Variants in ZSCAN10 observed in about 807,000 individuals in gnomAD.
ZSCAN10 encodes the protein zinc finger and SCAN domain-containing protein 10.
In ZSCAN10, 52 loss-of-function variants were observed where a neutral mutation model predicts 63.7. The ratio of observed to expected loss-of-function variants is 0.82; its 90% CI spans 0.65 to 1.03. The LOEUF (loss-of-function observed/expected upper bound fraction) is 1.03, where lower values mean the gene tolerates loss of function less well. ZSCAN10 is among the 50% of genes least tolerant of loss of function. The pLI, the probability that ZSCAN10 is intolerant of heterozygous loss-of-function variation, is 0.00. For synonymous variants in ZSCAN10, 544 were observed against 479.6 expected, an observed-to-expected ratio of 1.13 and a Z score of -1.76; for missense variants, 1,223 against 1,103.8, an observed-to-expected ratio of 1.11 and a Z score of -1.53.
Position 3,092,266 on chromosome 16 carries a change from C to G in ZSCAN10, c.447G>C (p.Leu149Phe), listed in dbSNP as rs1957091761. Residue 149 changes from leucine to phenylalanine, a missense_variant, in exon 3 of 6, where the codon TTG becomes TTC. By Grantham distance (22) the Leu-to-Phe change is conservative (BLOSUM62 0). Transcript: ENST00000576985. ...GKSCPRADVT[L>F]EEKGCASQVP... ...CCTGGGAAGCACACCCCTTTTCCTC[C>G]AAGGTGACGTCTGCACGGGGACAAC... 6.2e-7 allele frequency: 1 copy of G among 1,613,084 alleles called. No individual in the cohort carries two copies. Among genetic ancestry groups the G allele is most frequent in the Non-Finnish European group, 8.5e-7 (1 of 1,179,846 alleles).
rs761819689 is a variant in ZSCAN10 at position 3,089,891 on chromosome 16, G to A, written c.1543C>T (p.Arg515Trp). 2 of 1,535,126 alleles carry A rather than the reference G, an allele frequency of 1.3e-6. No individual in the cohort carries two copies. The highest frequency in any genetic ancestry group is 4.9e-5 in the East Asian group (2 of 40,844). Residue 515 changes from arginine (R) to tryptophan (W), a missense_variant, in exon 6 of 6, where the codon CGG becomes TGG. Transcript: ENST00000576985. ...ACGAAGGGCCTCCGGTCGGAGTCCC[G>A]GCGGCGGCTGCCGGAGCCTTCGGAG... ...RSSEGSGSRRRDSDRRPFVCS... is the reference protein window; with the variant it reads ...RSSEGSGSRRWDSDRRPFVCS...
chr16:3,090,890 C>CAAAAAAA (rs398058044), intron 5 of ZSCAN10, among the ~76,000 whole-genome samples: 1 of 63,752 alleles, frequency 1.6e-5, no homozygotes, highest in African/African-American at 5.3e-5. Context: ...CCCGTCTCTA[C>CAAAAAAA]AAAAAAAAAA....
At chr16:3,098,737 C>T (rs1957186432) in intron 1 of ZSCAN10, among the ~76,000 whole-genome samples, 1 of 152,196 alleles carries the variant, frequency 6.6e-6, no homozygotes, top group Non-Finnish European at 1.5e-5. Context: ...TAATTTGGAG[C>T]CCGGGGTGGA....
In ZSCAN10 at chr16:3,090,719, G is replaced by A. The variant is rs1030731412; in HGVS notation, c.788-73C>T. The A allele has an allele frequency of 4.1e-6, 6 of 1,448,906 alleles. No individual in the cohort carries two copies. The African/African-American group carries it at 8.5e-5, about 21-fold the overall frequency. 89.8% of individuals were successfully genotyped at this position (1,448,906 alleles called of 1,614,324 possible). ...ACTATCAATCACCAGAACCTGATTGGCCTGGAAGTGGAAAGAAACCCAGGA... is the reference window on the plus strand; with the variant it reads ...ACTATCAATCACCAGAACCTGATTGACCTGGAAGTGGAAAGAAACCCAGGA... On this transcript the variant is annotated intron_variant, in intron 5 of 5. Coordinates refer to ENST00000576985, the MANE Select transcript of ZSCAN10 (RefSeq NM_032805.3).
At chr16:3,091,413 G>A in intron 5 of ZSCAN10, 127 bp downstream of exon 5, 1 of 1,020,314 alleles carries the variant, frequency 9.8e-7, no homozygotes, top group Non-Finnish European at 1.5e-6. Flanking sequence ...GGAGGCTGAG[G>A]TGGGAGGATC....
intron 3 of ZSCAN10, 79 bp from the exon 4 acceptor site, chr16:3,091,907 C>A: frequency 1.3e-6 from 2 of 1,595,194 alleles, no homozygotes; most frequent in Non-Finnish European, 1.7e-6. Flanking sequence ...GGACACACAC[C>A]GCATCATCCG....
chr16:3,093,922 G>C (rs142581307), intron 1 of ZSCAN10, among the ~76,000 whole-genome samples: 1 of 152,078 alleles, frequency 6.6e-6, no homozygotes, highest in East Asian at 1.9e-4. Context: ...CTGACCTCAA[G>C]TGATCAGCCC....
At chr16:3,092,384 A>T (rs920084002) in intron 2 of ZSCAN10, 68 bp from the exon 3 acceptor site, 65 of 1,537,672 alleles carry the variant, frequency 4.2e-5, no homozygotes, top group Non-Finnish European at 5.2e-5. Flanking sequence ...CCGAGGGGAC[A>T]TGGGACAGAA....
chr16:3,089,559 C>T lies in ZSCAN10; in HGVS notation c.1875G>A (p.Gln625=). 1.3e-6 allele frequency: 2 copies of T among 1,597,676 alleles called. No homozygotes were observed. The highest frequency in any genetic ancestry group is 1.7e-6 in the Non-Finnish European group (2 of 1,172,642). The change falls in exon 6 of 6, where the codon CAG becomes CAA. Residue 625 remains glutamine (Q), a synonymous_variant. Coordinates refer to ENST00000576985, the MANE Select transcript of ZSCAN10 (RefSeq NM_032805.3). The part of the protein sequence containing the change: ...FGQTQDLARH[Q]RSHTGEKPCR... The stretch of plus-strand genomic sequence containing the variant: ...AGGGCTTCTCGCCCGTGTGGCTGCG[C>T]TGGTGGCGGGCCAGATCCTGGGTCT...
intron 1 of ZSCAN10, among the ~76,000 whole-genome samples, chr16:3,094,255 C>A (rs1393495405): frequency 6.6e-6 from 1 of 152,218 alleles, no homozygotes; most frequent in Non-Finnish European, 1.5e-5. Context: ...CTCAAGTGAT[C>A]CACCTGCCTC....
In ZSCAN10 at chr16:3,089,325, C is replaced by G. The variant is rs1457106090; in HGVS notation, c.2109G>C (p.Ala703=). 1 of 1,580,974 alleles carries G rather than the reference C, an allele frequency of 6.3e-7. No homozygotes were observed. The highest frequency in any genetic ancestry group is 1.8e-5 in the Admixed American group (1 of 57,012). ...QTCGRSFRRN[A]HLRRHLATHA... ...GGGTAGCCAGGTGCCGCCGCAGATG[C>G]GCGTTGCGCCGGAAGCTGCGACCGC... The change falls in exon 6 of 6, where the codon GCG becomes GCC. Residue 703 remains alanine (A), a synonymous_variant. Coordinates refer to ENST00000576985, the MANE Select transcript of ZSCAN10 (RefSeq NM_032805.3).
chr16:3,091,938 G>A (rs1957083300), intron 3 of ZSCAN10, 110 bp from the exon 4 acceptor site: 1 of 1,592,088 alleles, frequency 6.3e-7, no homozygotes, highest in Non-Finnish European at 8.6e-7. Flanking sequence ...AGACACCTTG[G>A]CGCTCTCCTG....
intron 1 of ZSCAN10, among the ~76,000 whole-genome samples, chr16:3,094,700 A>G (rs1957132853): frequency 6.6e-6 from 1 of 152,038 alleles, no homozygotes; most frequent in African/African-American, 2.4e-5. Flanking sequence ...GGGAATATGG[A>G]ACAAGTCAGA....
rs1388591277 is a variant in ZSCAN10 at position 3,092,951 on chromosome 16, G to T, written c.-14C>A. ...TTCTCCAAGCATCCTTCACTGCGGG[G>T]ATGCCTCCCTAACGCCAGCCCCGCT... On this transcript the variant is annotated 5_prime_UTR_variant, in exon 2 of 6. Coordinates refer to ENST00000576985, the MANE Select transcript of ZSCAN10 (RefSeq NM_032805.3). 1.4e-6 allele frequency: 2 copies of T among 1,414,164 alleles called. No homozygotes were observed. Among genetic ancestry groups the T allele is most frequent in the Non-Finnish European group, 1.8e-6 (2 of 1,086,634 alleles). The allele number at this position is 1,414,164 out of a possible 1,614,324, so 87.6% of individuals were successfully genotyped here. A position where few individuals can be genotyped will look rare whatever the true frequency, so the allele number is the denominator to read the frequency against.
intron 5 of ZSCAN10, 112 bp from the exon 6 acceptor site, chr16:3,090,758 G>A (rs1040597808): frequency 6.3e-5 from 81 of 1,293,516 alleles, no homozygotes; most frequent in Non-Finnish European, 8.2e-5. Flanking sequence ...TGCAAAGCTG[G>A]TAGGTAAAAG....
Position 3,092,611 on chromosome 16 carries a change from G to C in ZSCAN10, c.327C>G (p.Leu109=). 1 of 1,603,552 alleles carries C rather than the reference G, an allele frequency of 6.2e-7. No homozygotes were observed. The highest frequency in any genetic ancestry group is 2.2e-5 in the East Asian group (1 of 44,594). The stretch of plus-strand genomic sequence containing the variant: ...GCAGCACCACCTCCTCCCCATCCCT[G>C]AGCGGCTGCCCCTGCAGGCGGCCCA... ...HLLGRLQGQP[L]RDGEEVVLLL... The change falls in exon 2 of 6, where the codon CTC becomes CTG. Residue 109 remains leucine, a synonymous_variant. Coordinates refer to ENST00000576985, the MANE Select transcript of ZSCAN10 (RefSeq NM_032805.3).
chr16:3,098,381 A>G (rs1200378511), intron 1 of ZSCAN10, among the ~76,000 whole-genome samples: 1 of 151,800 alleles, frequency 6.6e-6, no homozygotes, highest in African/African-American at 2.4e-5. Context: ...GTGTAGGTCT[A>G]GAACACAGTG....
chr16:3,090,352 C>T lies in ZSCAN10; in HGVS notation c.1082G>A (p.Arg361His). 1 of 1,611,752 alleles carries T rather than the reference C, an allele frequency of 6.2e-7. No individual in the cohort carries two copies. Among genetic ancestry groups the T allele is most frequent in the South Asian group, 1.1e-5 (1 of 91,008 alleles). Reference sequence around the variant, plus strand: ...CGAGCGCAGCTGGTGCGCCTTCAGGCGAGACAGCTGCGGGAAGCTCACCCC... The same window carrying T: ...CGAGCGCAGCTGGTGCGCCTTCAGGTGAGACAGCTGCGGGAAGCTCACCCC... ...DCGVSFPQLS[R>H]LKAHQLRSHP... The change falls in exon 6 of 6, where the codon CGC becomes CAC. Residue 361 changes from arginine to histidine, a missense_variant. Coordinates refer to ENST00000576985, the MANE Select transcript of ZSCAN10 (RefSeq NM_032805.3).
intron 1 of ZSCAN10, among the ~76,000 whole-genome samples, chr16:3,095,791 G>T (rs1957146238): frequency 6.8e-6 from 1 of 148,038 alleles, no homozygotes; most frequent in Non-Finnish European, 1.5e-5. Flanking sequence ...TCGCGCCACT[G>T]CACTCCAGCC....
Sources: allele counts gnomAD v4.1 joint callset (sites outside exome capture counted in the v4.1 genomes callset), GRCh38; gene constraint gnomAD v4.1.1; transcripts MANE v1.5; gene names NCBI Gene and HGNC (gene_info 2026-07-23, HGNC 2026-07-21).